Variants in FOXP1 observed in about 807,000 individuals in gnomAD.
FOXP1 encodes forkhead box protein P1.
A neutral mutation model predicts 98.2 loss-of-function variants in FOXP1; 15 were observed. The observed-to-expected ratio is 0.15, with a 90% CI of 0.10 to 0.24. The LOEUF (loss-of-function observed/expected upper bound fraction) is 0.24, where lower values mean the gene tolerates loss of function less well. FOXP1 is among the 10% of genes least tolerant of loss of function. The probability of loss-of-function intolerance (pLI) is 1.00; values close to 1 mark genes in which losing one functional copy is unlikely to be tolerated. For synonymous variants in FOXP1, 371 were observed against 314.5 expected (o/e 1.18, Z -1.90); for missense variants, 633 against 848.5 (o/e 0.75, Z 3.15).
chr3:71,213,659 T>G (rs2064682230), intron 5 of FOXP1, among the ~76,000 whole-genome samples: 1 of 151,834 alleles, frequency 6.6e-6, no homozygotes, highest in Non-Finnish European at 1.5e-5. Context: ...TTACTAAAAA[T>G]ACAAAAATTA....
chr3:71,486,776 A>T (rs1297936498), intron 3 of FOXP1, among the ~76,000 whole-genome samples: 7 of 152,224 alleles, frequency 4.6e-5, no homozygotes, highest in Non-Finnish European at 1.0e-4. Flanking sequence ...TCTGTGCATT[A>T]CTTGAACCAA....
At chr3:71,490,560 A>C (rs1006998112) in intron 3 of FOXP1, among the ~76,000 whole-genome samples, 9 of 152,132 alleles carry the variant, frequency 5.9e-5, no homozygotes, top group African/African-American at 1.2e-4. Context: ...ACAGGATTTC[A>C]GGCACCTCTA....
chr3:71,262,423 CAGAT>C (rs1258545056), intron 5 of FOXP1, among the ~76,000 whole-genome samples: 7 of 151,612 alleles, frequency 4.6e-5, no homozygotes, highest in African/African-American at 1.5e-4. Flanking sequence ...AGGGGCTGAG[CAGAT>C]TTCTAATACT....
intron 6 of FOXP1, among the ~76,000 whole-genome samples, chr3:71,143,843 T>C (rs982143686): frequency 2.0e-5 from 3 of 152,220 alleles, no homozygotes; most frequent in East Asian, 1.9e-4. Flanking sequence ...TAGGAGCTGA[T>C]TTTTATTTTC....
chr3:71,285,316 T>A (rs1475003990), intron 5 of FOXP1, among the ~76,000 whole-genome samples: 3 of 152,186 alleles, frequency 2.0e-5, no homozygotes, highest in Non-Finnish European at 4.4e-5. Flanking sequence ...TCAACTAAAT[T>A]CTCATGCTAT....
At chr3:71,065,640 G>A (rs2052391551) in intron 7 of FOXP1, 1 of 152,152 alleles carries the variant, frequency 6.6e-6, no homozygotes, top group Admixed American at 6.5e-5. Context: ...CGCTGAACCA[G>A]GCGACTTCCC....
At chr3:71,128,589 T>C (rs564261373) in intron 6 of FOXP1, among the ~76,000 whole-genome samples, 1 of 152,302 alleles carries the variant, frequency 6.6e-6, no homozygotes, top group East Asian at 1.9e-4. Context: ...TACTTTCCTT[T>C]AGTTGAGCTA....
Position 71,131,059 on chromosome 3 carries a change from A to G in FOXP1, c.181-18422T>C, listed in dbSNP as rs184295995. On this transcript the variant is annotated intron_variant, in intron 6 of 20. Transcript: ENST00000649528. ...GGCAGGATGCTTTAAAAGAAAAAAA[A>G]AAGAAGAAGAAGAAAATTCAGATTT... 80 of 341,750 alleles carry G rather than the reference A, an allele frequency of 2.3e-4. No individual in the cohort carries two copies. In the East Asian group the frequency reaches 0.01, roughly 43 times the overall value. The allele number at this position is 341,750 out of a possible 1,614,324, so 21.2% of individuals were successfully genotyped here.
intron 5 of FOXP1, chr3:71,245,351 T>TAAACAA (rs1282262715): frequency 1.3e-5 from 2 of 152,106 alleles, no homozygotes; most frequent in Non-Finnish European, 2.9e-5. Flanking sequence ...CAGCCATTCC[T>TAAACAA]ACTAATTTTG....
intron 2 of FOXP1, among the ~76,000 whole-genome samples, chr3:71,501,038 A>G (rs560582662): frequency 6.6e-6 from 1 of 152,142 alleles, no homozygotes; most frequent in East Asian, 2.0e-4. Flanking sequence ...CCAAAAATAT[A>G]AAAATTAGCC....
chr3:71,310,922 A>G (rs996799302), intron 4 of FOXP1, among the ~76,000 whole-genome samples: 29 of 152,182 alleles, frequency 1.9e-4, no homozygotes, highest in African/African-American at 6.5e-4. Context: ...GGCGGTTCCC[A>G]CTGCAGCTGA....
chr3:71,331,658 C>T (rs1468819675), intron 4 of FOXP1, among the ~76,000 whole-genome samples: 1 of 152,200 alleles, frequency 6.6e-6, no homozygotes, highest in Non-Finnish European at 1.5e-5. Flanking sequence ...TGTAAATACA[C>T]CAATCAGCAC....
chr3:71,341,531 G>A (rs1220555034), intron 4 of FOXP1, among the ~76,000 whole-genome samples: 1 of 152,084 alleles, frequency 6.6e-6, no homozygotes. Flanking sequence ...CACTTTGGGA[G>A]GCAGAGGCGG....
At chr3:71,139,082 T>A (rs1287951565) in intron 6 of FOXP1, among the ~76,000 whole-genome samples, 2 of 152,168 alleles carry the variant, frequency 1.3e-5, no homozygotes, top group African/African-American at 4.8e-5. Context: ...TTGTTTCACA[T>A]CTACAGGAAA....
At chr3:71,166,469 C>T (rs961120382) in intron 6 of FOXP1, among the ~76,000 whole-genome samples, 6 of 152,258 alleles carry the variant, frequency 3.9e-5, no homozygotes, top group South Asian at 4.1e-4. Context: ...AAGGCACTCC[C>T]TGGGAATTTA....
intron 5 of FOXP1, among the ~76,000 whole-genome samples, chr3:71,278,496 T>C (rs1307067270): frequency 1.3e-5 from 2 of 152,222 alleles, no homozygotes; most frequent in East Asian, 3.9e-4. Context: ...ATTAAACAAA[T>C]TTCTGACCGG....
chr3:71,039,275 G>A (rs974392116), intron 11 of FOXP1, among the ~76,000 whole-genome samples: 5 of 152,124 alleles, frequency 3.3e-5, no homozygotes, highest in Admixed American at 3.3e-4. Flanking sequence ...CTGGTGTGTA[G>A]TATGATGAAG....
intron 2 of FOXP1, among the ~76,000 whole-genome samples, chr3:71,534,192 T>C (rs1578056582): frequency 6.6e-6 from 1 of 152,136 alleles, no homozygotes; most frequent in African/African-American, 2.4e-5. Flanking sequence ...AGTGAAACCC[T>C]GTCTCTACTA....
At chr3:71,288,564 G>T (rs2072415393) in intron 5 of FOXP1, 1 of 152,168 alleles carries the variant, frequency 6.6e-6, no homozygotes, top group Non-Finnish European at 1.5e-5. Flanking sequence ...TACTTCAGAT[G>T]ATTACAATCG....
Sources: gnomAD v4.1 joint callset for allele counts (sites outside exome capture counted in the v4.1 genomes callset) on GRCh38, gnomAD v4.1.1 for gene constraint, MANE v1.5 for transcripts, NCBI Gene and HGNC (gene_info 2026-07-23, HGNC 2026-07-21) for gene names.